PARD3B: variants seen among roughly 807,000 people sequenced by gnomAD.
PARD3B encodes the protein par-3 family cell polarity regulator beta, also known as partitioning defective 3 homolog B.
Under a neutral mutation model 130.2 loss-of-function variants are expected in PARD3B, and 103 were observed. That is an observed-to-expected ratio of 0.79 (90% CI 0.67 to 0.93). The LOEUF (loss-of-function observed/expected upper bound fraction) is 0.93, where lower values mean the gene tolerates loss of function less well. PARD3B is among the 40% of genes least tolerant of loss of function. The probability of loss-of-function intolerance (pLI) is 0.00; values close to 1 mark genes in which losing one functional copy is unlikely to be tolerated. For missense variants in PARD3B, 1,609 were observed against 1,499.2 expected (o/e 1.07, Z -1.21); for synonymous variants, 583 against 553.2 (o/e 1.05, Z -0.76).
chr2:204,849,198 A>G (rs1037727820), intron 2 of PARD3B, among the ~76,000 whole-genome samples: 1 of 152,188 alleles, frequency 6.6e-6, no homozygotes, highest in Non-Finnish European at 1.5e-5. Flanking sequence ...TCTTGACAGA[A>G]TAATTAGAGT....
chr2:205,127,703 G>A (rs1428981961), intron 10 of PARD3B, among the ~76,000 whole-genome samples: 4 of 151,936 alleles, frequency 2.6e-5, no homozygotes, highest in African/African-American at 4.8e-5. Flanking sequence ...TGTACTCTGG[G>A]GAGATCTGTA....
chr2:205,126,949 A>G (rs1414153740), intron 10 of PARD3B, among the ~76,000 whole-genome samples: 1 of 151,952 alleles, frequency 6.6e-6, no homozygotes, highest in Admixed American at 6.6e-5. Flanking sequence ...TTCTTTTCTT[A>G]CCATAAATAA....
rs1258247703 is a variant in PARD3B, at chr2:205,572,353, C to A, written c.3260+18950C>A. On this transcript the variant is annotated intron_variant, in intron 22 of 22. Coordinates refer to ENST00000406610, the MANE Select transcript of PARD3B (RefSeq NM_001302769.2). This position sits in a 1 kb window ranked among gnomAD's most constrained non-coding sequence, Gnocchi z 4.2. The stretch of plus-strand genomic sequence containing the variant: ...AACACGCTAGGGACTTTGACTCTAC[C>A]CAGAAGGCCTCAGGCCCTTGAAGGT... 3.9e-5 allele frequency among the ~76,000 whole-genome samples: 6 copies of A among 152,122 alleles called. No homozygotes were observed. Among genetic ancestry groups the A allele is most frequent in the Admixed American group, 2.0e-4 (3 of 15,266 alleles).
rs2105859769 is a variant in PARD3B at position 205,287,415 on chromosome 2, GACTTGATTCTT to G, written c.2186-13112_2186-13102del. ...CGTGCAGTTCTGGTTCCTCTCTTCAGACTTGATTCTTACAGAAAAGCAAGATGGCTGCCAGA... is the reference window on the plus strand; with the variant it reads ...CGTGCAGTTCTGGTTCCTCTCTTCAGACAGAAAAGCAAGATGGCTGCCAGA... On this transcript the variant is annotated intron_variant, in intron 16 of 22. Coordinates refer to ENST00000406610, the MANE Select transcript of PARD3B (RefSeq NM_001302769.2). The surrounding 1 kb of genome is among the most constrained non-coding windows in gnomAD (Gnocchi z 4.8). Among the ~76,000 whole-genome samples, 1 of 152,278 alleles carries G rather than the reference GACTTGATTCTT, an allele frequency of 6.6e-6. No individual in the cohort carries two copies. Among genetic ancestry groups the G allele is most frequent in the East Asian group, 1.9e-4 (1 of 5,176 alleles).
At chr2:205,387,086 A>G (rs970386913) in intron 18 of PARD3B, among the ~76,000 whole-genome samples, 2 of 152,204 alleles carry the variant, frequency 1.3e-5, no homozygotes, top group Non-Finnish European at 2.9e-5. Context: ...TATTTCACAC[A>G]GAAATCCAAT....
chr2:205,595,919 T>G (rs1209487794), intron 22 of PARD3B, among the ~76,000 whole-genome samples: 1 of 143,360 alleles, frequency 7.0e-6, no homozygotes, highest in Admixed American at 6.8e-5. Context: ...TACAAGAACA[T>G]TTGAGACAAA....
At position 204,597,313 on chromosome 2, in the gene PARD3B, A is replaced by G. The variant is rs535456399; in HGVS notation, c.120+51194A>G. Among the ~76,000 whole-genome samples, 72 of 152,054 alleles carry G rather than the reference A, an allele frequency of 4.7e-4. 3 individuals are homozygous for G. In the South Asian group the frequency reaches 0.015, roughly 32 times the overall value. ...CCCATAGGATAAATGAGAAATTCTCACAAATCCTCACTAATAAATATGGAC... is the reference window on the plus strand; with the variant it reads ...CCCATAGGATAAATGAGAAATTCTCGCAAATCCTCACTAATAAATATGGAC... On this transcript the variant is annotated intron_variant, in intron 1 of 22. Transcript: ENST00000406610.
intron 19 of PARD3B, among the ~76,000 whole-genome samples, chr2:205,410,900 C>T (rs1170812437): frequency 6.6e-6 from 1 of 152,150 alleles, no homozygotes; most frequent in African/African-American, 2.4e-5. Context: ...CCCGTCACCA[C>T]CCGGCCTCCA....
rs374321999 is a variant in PARD3B, at chr2:204,897,448, G to A, written c.223-67704G>A. Among the ~76,000 whole-genome samples, 12 of 145,148 alleles carry A rather than the reference G, an allele frequency of 8.3e-5. No individual in the cohort carries two copies. In the East Asian group the frequency reaches 1.8e-3, roughly 22 times the overall value. On this transcript the variant is annotated intron_variant, in intron 2 of 22. Transcript: ENST00000406610. ...AAGGTTTACTGAAAGGAGAGAAAGA[G>A]CAACAATGGACTGTCTCCCAAAACT...
chr2:205,364,810 A>G (rs1056392090), intron 18 of PARD3B, among the ~76,000 whole-genome samples: 1 of 152,184 alleles, frequency 6.6e-6, no homozygotes, highest in Non-Finnish European at 1.5e-5. Context: ...TTTAATTACA[A>G]TACCTACTCA....
Position 205,146,416 on chromosome 2 carries a change from G to A in PARD3B, c.1435-12306G>A, listed in dbSNP as rs187614099. ...TGTAATCCCAGCATTTTGGGAGGCC[G>A]AGGTGGGCGGATCATGAGGTCAGGA... On this transcript the variant is annotated intron_variant, in intron 10 of 22. Coordinates refer to ENST00000406610, the MANE Select transcript of PARD3B (RefSeq NM_001302769.2). The surrounding 1 kb of genome is among the most constrained non-coding windows in gnomAD (Gnocchi z 4.3). Among the ~76,000 whole-genome samples the A allele has an allele frequency of 1.5e-3, 235 of 152,154 alleles. No individual in the cohort carries two copies. The highest frequency in any genetic ancestry group is 5.4e-3 in the African/African-American group (223 of 41,538).
In PARD3B at chr2:204,956,516, TTGTGTG is replaced by T. The variant is rs113818336; in HGVS notation, c.223-8614_223-8609del. Among the ~76,000 whole-genome samples, 25 of 148,224 alleles carry T rather than the reference TTGTGTG, an allele frequency of 1.7e-4. 1 individual carries two copies. The highest frequency in any genetic ancestry group is 5.9e-4 in the East Asian group (3 of 5,052). ...TAAGATTAACTTGAAGAAAAACTAC[TTGTGTG>T]TGTGTGTGTGTGTGTGTGTGTATGT... is the stretch of plus-strand genomic sequence containing the variant. On this transcript the variant is annotated intron_variant, in intron 2 of 22. Coordinates refer to ENST00000406610, the MANE Select transcript of PARD3B (RefSeq NM_001302769.2).
intron 19 of PARD3B, among the ~76,000 whole-genome samples, chr2:205,424,378 T>G (rs998725389): frequency 6.6e-6 from 1 of 152,182 alleles, no homozygotes; most frequent in African/African-American, 2.4e-5. Context: ...GAGCTTTTCA[T>G]GATCCCAGAG....
chr2:204,772,383 T>C (rs1268783720), intron 2 of PARD3B, among the ~76,000 whole-genome samples: 1 of 151,988 alleles, frequency 6.6e-6, no homozygotes, highest in Non-Finnish European at 1.5e-5. Context: ...AAGTCAGAGT[T>C]TGGAAAAAAG....
intron 3 of PARD3B, among the ~76,000 whole-genome samples, chr2:205,031,678 TAAATA>T (rs1697434938): frequency 6.6e-6 from 1 of 151,270 alleles, no homozygotes; most frequent in Non-Finnish European, 1.5e-5. Context: ...TGAGCTATAA[TAAATA>T]AATAGCGTAA....
intron 19 of PARD3B, among the ~76,000 whole-genome samples, chr2:205,439,300 A>G (rs987115465): frequency 6.6e-6 from 1 of 152,026 alleles, no homozygotes; most frequent in African/African-American, 2.4e-5. Context: ...AGTTTGTCCC[A>G]TCTATTCTTG....
At chr2:204,576,243 G>C (rs2032252084) in intron 1 of PARD3B, among the ~76,000 whole-genome samples, 1 of 152,142 alleles carries the variant, frequency 6.6e-6, no homozygotes, top group Non-Finnish European at 1.5e-5. Context: ...CCTCTGGCCA[G>C]CAGGCTGGGG....
intron 1 of PARD3B, among the ~76,000 whole-genome samples, chr2:204,601,051 A>G (rs1044124513): frequency 3.2e-4 from 48 of 151,850 alleles, no homozygotes; most frequent in African/African-American, 1.1e-3. Context: ...CATTTCCTGG[A>G]TACGGACCTT....
intron 1 of PARD3B, among the ~76,000 whole-genome samples, chr2:204,595,591 TA>T (rs1388211550): frequency 6.6e-6 from 1 of 152,234 alleles, no homozygotes; most frequent in Non-Finnish European, 1.5e-5. Context: ...TATCAAGCAT[TA>T]TTAGTTGCTT....
Sources: gnomAD v4.1 joint callset for allele counts (sites outside exome capture counted in the v4.1 genomes callset) on GRCh38, gnomAD v4.1.1 for gene constraint, Gnocchi (gnomAD v3.1) non-coding constraint, MANE v1.5 for transcripts, NCBI Gene and HGNC (gene_info 2026-07-23, HGNC 2026-07-21) for gene names.